Variants in ZNF415 observed in about 807,000 individuals in gnomAD.
ZNF415 encodes zinc finger protein 415.
In ZNF415, 5 loss-of-function variants were observed where a neutral mutation model predicts 7.3. The observed-to-expected ratio is 0.69, with a 90% CI of 0.36 to 1.44. The LOEUF is 1.44. Ranked by LOEUF, ZNF415 falls within the 40% of genes most tolerant of loss-of-function variation. The pLI is 0.04. For synonymous variants in ZNF415, 207 were observed against 226.3 expected (o/e 0.91, Z 0.77); for missense variants, 628 against 664.8 (o/e 0.94, Z 0.61).
At chr19:53,123,963 C>T (rs1335700822) in intron 1 of ZNF415, 8 of 159,702 alleles carry the variant, frequency 5.0e-5, no homozygotes, top group East Asian at 1.7e-4. Flanking sequence ...GAAGGCTAGG[C>T]GCAGTGGCTC....
At chr19:53,110,838 G>C (rs1182809957) in intron 3 of ZNF415, among the ~76,000 whole-genome samples, 1 of 152,162 alleles carries the variant, frequency 6.6e-6, no homozygotes, top group Non-Finnish European at 1.5e-5. Context: ...TCACAATTAT[G>C]ACTTCACACC....
rs749472104 is a variant in ZNF415 at position 53,109,410 on chromosome 19, C to G, written c.635G>C (p.Arg212Thr). 3 of 1,614,070 alleles carry G rather than the reference C, an allele frequency of 1.9e-6. No individual in the cohort carries two copies. Among genetic ancestry groups the G allele is most frequent in the South Asian group, 2.2e-5 (2 of 91,076 alleles). Reference sequence around the variant, plus strand: ...CTCAATATATCTGTAAGGTTTTTCCCTAATGCATGATTTCTGTTCTTGTGT... The same window carrying G: ...CTCAATATATCTGTAAGGTTTTTCCGTAATGCATGATTTCTGTTCTTGTGT... ...LLTQEQKSCI[R>T]EKPYRYIECD... The change falls in exon 4 of 4, where the codon AGG (arginine) becomes ACG (threonine). Residue 212 changes from arginine to threonine, a missense_variant. Arg to Thr is a moderately conservative substitution (Grantham distance 71, BLOSUM62 -1). Transcript: ENST00000243643.
chr19:53,124,477 T>C (rs2088693095), intron 1 of ZNF415: 2 of 151,962 alleles, frequency 1.3e-5, no homozygotes. Context: ...CCCTAGAGAA[T>C]GACATCAAGC....
chr19:53,114,951 G>T (rs1330445265), intron 3 of ZNF415, among the ~76,000 whole-genome samples: 2 of 152,174 alleles, frequency 1.3e-5, no homozygotes, highest in Admixed American at 1.3e-4. Flanking sequence ...CAGAAATGGG[G>T]TGGAGCATGG....
intron 3 of ZNF415, among the ~76,000 whole-genome samples, chr19:53,114,539 C>A (rs1262129218): frequency 1.3e-5 from 2 of 152,122 alleles, no homozygotes; most frequent in Non-Finnish European, 2.9e-5. Flanking sequence ...CAAGGTTTTT[C>A]CACATTCATA....
intron 3 of ZNF415, chr19:53,115,882 C>T: frequency 8.0e-7 from 1 of 1,243,360 alleles, no homozygotes; most frequent in Non-Finnish European, 1.1e-6. Flanking sequence ...TCAAGAATCT[C>T]AGCCCTTTGC....
intron 3 of ZNF415, among the ~76,000 whole-genome samples, chr19:53,110,722 A>G (rs2086100675): frequency 6.6e-6 from 1 of 152,250 alleles, no homozygotes; most frequent in Non-Finnish European, 1.5e-5. Flanking sequence ...CAGAACCAGC[A>G]CACAACCTGT....
chr19:53,109,670 G>C lies in ZNF415; in HGVS notation c.375C>G (p.Arg125=). ...ACTTGTTTCCTATACCTCTTCTATC[G>C]CGTTGGTCTCTCCTACAAGTAAGAT... ...KENLTCRRDQ[R]DRRGIGNKSI... Residue 125 remains arginine (R), a synonymous_variant, in exon 4 of 4, where the codon CGC becomes CGG. Transcript: ENST00000243643. 1 of 1,614,012 alleles carries C rather than the reference G, an allele frequency of 6.2e-7. No individual in the cohort carries two copies. Among genetic ancestry groups the C allele is most frequent in the Non-Finnish European group, 8.5e-7 (1 of 1,179,996 alleles).
At chr19:53,118,616 A>C (rs1568571450) in intron 2 of ZNF415, among the ~76,000 whole-genome samples, 2 of 152,196 alleles carry the variant, frequency 1.3e-5, no homozygotes. Flanking sequence ...ACAATGGAAT[A>C]AAATTAGAAA....
At chr19:53,110,340 C>T (rs1238225738) in intron 3 of ZNF415, among the ~76,000 whole-genome samples, 1 of 152,104 alleles carries the variant, frequency 6.6e-6, no homozygotes, top group Admixed American at 6.6e-5. Flanking sequence ...ATAATGGTAA[C>T]TAAGCCACAA....
chr19:53,111,647 TATG>T (rs2086263088), intron 3 of ZNF415, among the ~76,000 whole-genome samples: 1 of 151,976 alleles, frequency 6.6e-6, no homozygotes, highest in Non-Finnish European at 1.5e-5. Flanking sequence ...CCGGCCCGCC[TATG>T]ATATTTCTTA....
rs1442051534 is a variant in ZNF415, at chr19:53,109,181, T to C, written c.864A>G (p.Ala288=). The change falls in exon 4 of 4, where the codon GCA becomes GCG. Residue 288 remains alanine (A), a synonymous_variant. Transcript: ENST00000243643. ...CTCCAGTGTGAACTCTCCGATGTAG[T>C]GCAAGGCATGAGTTGCGACTGAAAC... is the stretch of plus-strand genomic sequence containing the variant. ...DRSFSRNSCL[A]LHRRVHTGEK... 7 of 1,614,042 alleles carry C rather than the reference T, an allele frequency of 4.3e-6. No homozygotes were observed. The highest frequency in any genetic ancestry group is 5.9e-6 in the Non-Finnish European group (7 of 1,179,980).
chr19:53,118,873 G>A lies in ZNF415; in HGVS notation c.16-2440C>T, dbSNP rs568228181. 2.2e-3 allele frequency among the ~76,000 whole-genome samples: 340 copies of A among 152,204 alleles called. 3 individuals carry two copies. Among genetic ancestry groups the A allele is most frequent in the African/African-American group, 8.0e-3 (332 of 41,526 alleles). ...GAAAAATTTCAAATAAGCCAGGCAC[G>A]GTGGCTCACTCCTGTAATCCCAGCA... On this transcript the variant is annotated intron_variant, in intron 2 of 3. Transcript: ENST00000243643.
rs1306865156 is a variant in ZNF415, at chr19:53,122,662, C to G, written c.15G>C (p.Gln5His). Residue 5 changes from glutamine (Q) to histidine (H), a missense_variant and splice_region_variant, in exon 2 of 4, where the codon CAG (glutamine) becomes CAC (histidine). Transcript: ENST00000243643. ...TGATCCACACAGAATCTTTCTTTACCTGAGTAAAAGCCATTCCTGACTCCT... is the reference window on the plus strand; with the variant it reads ...TGATCCACACAGAATCTTTCTTTACGTGAGTAAAAGCCATTCCTGACTCCT... MAFT[Q>H]LTFRDVAIEF... The G allele has an allele frequency of 2.5e-6, 4 of 1,614,010 alleles. No individual in the cohort carries two copies. Among genetic ancestry groups the G allele is most frequent in the Non-Finnish European group, 3.4e-6 (4 of 1,180,024 alleles).
At chr19:53,116,235 G>A in intron 3 of ZNF415, 78 bp downstream of exon 3, 1 of 1,500,544 alleles carries the variant, frequency 6.7e-7, no homozygotes, top group Non-Finnish European at 9.0e-7. Context: ...GTAATGCAGG[G>A]GCTCCCAAGA....
intron 1 of ZNF415, among the ~76,000 whole-genome samples, chr19:53,130,793 G>A (rs190116493): frequency 3.6e-4 from 54 of 152,054 alleles, no homozygotes; most frequent in Middle Eastern, 3.4e-3. Context: ...TTACAGATGC[G>A]TGTCACCATA....
At chr19:53,116,480 A>C in intron 2 of ZNF415, 47 bp from the exon 3 acceptor site, 1 of 1,611,406 alleles carries the variant, frequency 6.2e-7, no homozygotes, top group Non-Finnish European at 8.5e-7. Flanking sequence ...TTATGAAGGG[A>C]GTTACCATCT....
Position 53,108,261 on chromosome 19 carries a change from A to T in ZNF415, c.*116T>A. The T allele has an allele frequency of 1.1e-6, 1 of 930,008 alleles. No homozygotes were observed. Among genetic ancestry groups the T allele is most frequent in the Non-Finnish European group, 1.6e-6 (1 of 630,864 alleles). The allele number at this position is 930,008 out of a possible 1,614,324, so 57.6% of individuals were successfully genotyped here. The stretch of plus-strand genomic sequence containing the variant: ...AGAATGAAATTCTCTGATGCTGTGT[A>T]GGAGTGAATTGTGACTGAAAACCTT... On this transcript the variant is annotated 3_prime_UTR_variant, in exon 4 of 4. Transcript: ENST00000243643.
rs879136840 is a variant in ZNF415, at chr19:53,108,510, G to C, written c.1535C>G (p.Thr512Ser). The C allele has an allele frequency of 6.2e-7, 1 of 1,613,840 alleles. No individual in the cohort carries two copies. Among genetic ancestry groups the C allele is most frequent in the Non-Finnish European group, 8.5e-7 (1 of 1,179,962 alleles). Residue 512 changes from threonine to serine, a missense_variant, in exon 4 of 4, where the codon ACT becomes AGT. Thr to Ser is a moderately conservative substitution (Grantham distance 58). Coordinates refer to ENST00000243643, the MANE Select transcript of ZNF415 (RefSeq NM_018355.4). Reference protein sequence around the residue: ...GKSFSVRPNLTRHQIIHTGKK... With the variant: ...GKSFSVRPNLSRHQIIHTGKK... ...TCCAGTATGGATTATCTGATGTCTAGTGAGGTTTGGGCGCACACTAAAGGA... is the reference window on the plus strand; with the variant it reads ...TCCAGTATGGATTATCTGATGTCTACTGAGGTTTGGGCGCACACTAAAGGA...
Sources: allele counts gnomAD v4.1 joint callset (sites outside exome capture counted in the v4.1 genomes callset), GRCh38; gene constraint gnomAD v4.1.1; transcripts MANE v1.5; gene names NCBI Gene and HGNC (gene_info 2026-07-23, HGNC 2026-07-21).